RPS6KA2: variants seen among roughly 807,000 people sequenced by gnomAD.
RPS6KA2 encodes ribosomal protein S6 kinase A2.
RPS6KA2 carries 42 observed loss-of-function variants against 91.8 expected under a neutral mutation model. The observed-to-expected ratio is 0.46, with a 90% CI of 0.36 to 0.59. RPS6KA2 has a LOEUF of 0.59. RPS6KA2 is among the 20% of genes least tolerant of loss of function. RPS6KA2 has a pLI of 0.00. For synonymous variants in RPS6KA2, 414 were observed against 393.6 expected, an observed-to-expected ratio of 1.05 and a Z score of -0.61; for missense variants, 798 against 978.5, an observed-to-expected ratio of 0.82 and a Z score of 2.46.
intron 2 of RPS6KA2, among the ~76,000 whole-genome samples, chr6:166,841,033 G>C (rs1035392427): frequency 6.6e-6 from 1 of 151,912 alleles, no homozygotes; most frequent in Non-Finnish European, 1.5e-5. Flanking sequence ...TGTAATCCCA[G>C]CACTTTGGGA....
chr6:166,532,478 G>A (rs1345381965), intron 2 of RPS6KA2, among the ~76,000 whole-genome samples: 1 of 152,200 alleles, frequency 6.6e-6, no homozygotes, highest in Non-Finnish European at 1.5e-5. Flanking sequence ...ACAGGCATGT[G>A]GATTCACGGA....
chr6:166,594,074 G>A (rs1785448511), intron 1 of RPS6KA2, among the ~76,000 whole-genome samples: 1 of 152,084 alleles, frequency 6.6e-6, no homozygotes, highest in African/African-American at 2.4e-5. Context: ...AAATCGAAAT[G>A]AATTTAATAT....
At chr6:166,505,405 C>G (rs1241771537) in intron 5 of RPS6KA2, among the ~76,000 whole-genome samples, 1 of 152,184 alleles carries the variant, frequency 6.6e-6, no homozygotes, top group Non-Finnish European at 1.5e-5. Context: ...TCATCCCCAC[C>G]CCCGACTTGT....
At chr6:166,826,149 CAA>C (rs1780043673) in intron 2 of RPS6KA2, among the ~76,000 whole-genome samples, 1 of 152,116 alleles carries the variant, frequency 6.6e-6, no homozygotes. Context: ...CTGGGAAAAA[CAA>C]AGCATGTGAT....
chr6:166,544,222 T>G (rs768202595), intron 1 of RPS6KA2, among the ~76,000 whole-genome samples: 2 of 152,230 alleles, frequency 1.3e-5, no homozygotes, highest in Non-Finnish European at 2.9e-5. Context: ...GCTAGCCACA[T>G]GTAGTCTACC....
chr6:166,516,028 T>C (rs1443365049), intron 3 of RPS6KA2, among the ~76,000 whole-genome samples: 5 of 152,238 alleles, frequency 3.3e-5, no homozygotes, highest in African/African-American at 9.6e-5. Flanking sequence ...CATATGTTGA[T>C]TGATGTCTTA....
At chr6:166,848,237 A>C (rs1780654775) in intron 2 of RPS6KA2, among the ~76,000 whole-genome samples, 1 of 152,192 alleles carries the variant, frequency 6.6e-6, no homozygotes. Flanking sequence ...TAATGCCCAT[A>C]ATTTAAAAAA....
intron 20 of RPS6KA2, among the ~76,000 whole-genome samples, chr6:166,413,319 G>A (rs114545500): frequency 0.011 from 1,635 of 152,268 alleles, 36 homozygotes; most frequent in African/African-American, 0.037. Flanking sequence ...CTCATTTGGA[G>A]GAACAGGCAT....
At position 166,423,438 on chromosome 6, in the gene RPS6KA2, T is replaced by C; in HGVS notation, c.1582-21A>G. The C allele has an allele frequency of 1.3e-6, 2 of 1,596,404 alleles. No individual in the cohort carries two copies. Among genetic ancestry groups the C allele is most frequent in the Non-Finnish European group, 1.7e-6 (2 of 1,166,198 alleles). On this transcript the variant is annotated intron_variant, in intron 16 of 20. Transcript: ENST00000265678. The surrounding 1 kb of genome is among the most constrained non-coding windows in gnomAD (Gnocchi z 4.8). ...ACAACCTGCAAGACAGAAGGCACAGTGCCTACTTGGGGGCTGAGGACTGAG... is the reference window on the plus strand; with the variant it reads ...ACAACCTGCAAGACAGAAGGCACAGCGCCTACTTGGGGGCTGAGGACTGAG...
intron 14 of RPS6KA2, among the ~76,000 whole-genome samples, chr6:166,444,774 T>C (rs1347872473): frequency 2.0e-5 from 3 of 152,244 alleles, no homozygotes; most frequent in East Asian, 1.9e-4. Context: ...CCCACGTGAA[T>C]TGAGCCCCTG....
At chr6:166,537,842 G>A (rs1308798165) in intron 2 of RPS6KA2, among the ~76,000 whole-genome samples, 1 of 152,218 alleles carries the variant, frequency 6.6e-6, no homozygotes, top group Non-Finnish European at 1.5e-5. Flanking sequence ...TAGAAATCAA[G>A]TTGTCAGAGC....
rs74818119 is a variant in RPS6KA2, at chr6:166,535,202, G to A, written c.216+3466C>T. Among the ~76,000 whole-genome samples the A allele has an allele frequency of 1.6e-4, 25 of 152,216 alleles. 3 individuals are homozygous for A. In the East Asian group the frequency reaches 4.6e-3, roughly 28 times the overall value. On this transcript the variant is annotated intron_variant, in intron 2 of 20. Coordinates refer to ENST00000265678, the MANE Select transcript of RPS6KA2 (RefSeq NM_021135.6). The stretch of plus-strand genomic sequence containing the variant: ...ATTGCAAAGATGCTGTGAGAACCGC[G>A]ACCTGGCAACAGGTGCGATGTCACT...
At chr6:166,634,549 A>G (rs951711155) in intron 2 of RPS6KA2, among the ~76,000 whole-genome samples, 1 of 152,260 alleles carries the variant, frequency 6.6e-6, no homozygotes, top group Admixed American at 6.5e-5. Flanking sequence ...CAACATGACC[A>G]CAAACATGGA....
intron 1 of RPS6KA2, among the ~76,000 whole-genome samples, chr6:166,579,652 G>A (rs749565248): frequency 1.3e-5 from 2 of 152,212 alleles, no homozygotes; most frequent in Non-Finnish European, 2.9e-5. Flanking sequence ...AACGCCATGT[G>A]TCATGTTACA....
At chr6:166,460,039 C>T (rs949647000) in intron 11 of RPS6KA2, among the ~76,000 whole-genome samples, 5 of 152,232 alleles carry the variant, frequency 3.3e-5, no homozygotes, top group African/African-American at 9.6e-5. Flanking sequence ...AAACCGCCGA[C>T]CCAGAGCCAC....
intron 2 of RPS6KA2, among the ~76,000 whole-genome samples, chr6:166,765,460 T>C (rs1778285365): frequency 6.6e-6 from 1 of 152,210 alleles, no homozygotes; most frequent in Admixed American, 6.5e-5. Flanking sequence ...AGGTTCCTTA[T>C]TGCATCCGCA....
chr6:166,754,704 CT>C (rs1777953906), intron 2 of RPS6KA2, among the ~76,000 whole-genome samples: 1 of 152,188 alleles, frequency 6.6e-6, no homozygotes, highest in Non-Finnish European at 1.5e-5. Context: ...AAGCCTCCCC[CT>C]GCTCCCCACC....
At chr6:166,672,943 G>A (rs2128561726) in intron 2 of RPS6KA2, among the ~76,000 whole-genome samples, 1 of 152,298 alleles carries the variant, frequency 6.6e-6, no homozygotes, top group Admixed American at 6.5e-5. Context: ...TGGAGCGTGG[G>A]TTTGATGTTG....
chr6:166,765,596 T>C (rs563253610), intron 2 of RPS6KA2, among the ~76,000 whole-genome samples: 2 of 152,360 alleles, frequency 1.3e-5, no homozygotes, highest in South Asian at 4.1e-4. Context: ...CCTATAGCTC[T>C]TATTTTCTGA....
Sources: gnomAD v4.1 joint callset for allele counts (sites outside exome capture counted in the v4.1 genomes callset) on GRCh38, gnomAD v4.1.1 for gene constraint, Gnocchi (gnomAD v3.1) non-coding constraint, MANE v1.5 for transcripts, NCBI Gene and HGNC (gene_info 2026-07-23, HGNC 2026-07-21) for gene names.